The following RLIM variants were observed in gnomAD, a reference collection of about 807,000 sequenced individuals.
RLIM encodes the protein E3 ubiquitin-protein ligase RLIM.
RLIM carries 2 observed loss-of-function variants against 34.0 expected under a neutral mutation model. The observed-to-expected ratio is 0.06, with a 90% CI of 0.02 to 0.19. RLIM has a LOEUF of 0.19. Ranked by LOEUF, RLIM falls within the 10% of genes least tolerant of loss-of-function variation. The pLI is 1.00. For missense variants in RLIM, 286 were observed against 479.7 expected, an observed-to-expected ratio of 0.60 and a Z score of 3.77; for synonymous variants, 169 against 164.0, an observed-to-expected ratio of 1.03 and a Z score of -0.23.
In RLIM at chrX:74,586,792, T is replaced by C. The variant is rs1042452176; in HGVS notation, c.*4648A>G. Reference sequence around the variant, plus strand: ...ATAGCTGTTTTAGTTGATTAAAAAATCTGATTTAAAAATAAGTAAGGCTGG... The same window carrying C: ...ATAGCTGTTTTAGTTGATTAAAAAACCTGATTTAAAAATAAGTAAGGCTGG... On this transcript the variant is annotated 3_prime_UTR_variant, in exon 4 of 4. Transcript: ENST00000332687. 2 of 112,963 alleles carry C rather than the reference T, an allele frequency of 1.8e-5. No homozygotes were observed. Among genetic ancestry groups the C allele is most frequent in the East Asian group, 5.5e-4 (2 of 3,611 alleles). 9.3% of individuals were successfully genotyped at this position (112,963 alleles called of 1,213,427 possible). A position where few individuals can be genotyped will look rare whatever the true frequency, so the allele number is the denominator to read the frequency against.
rs1016990715 is a variant in RLIM, at chrX:74,592,535, C to T, written c.780G>A (p.Glu260=). The part of the protein sequence containing the change: ...TFEHPLVNET[E]GSSRTRHHVT... ...CATGGTGCCGGGTTCTAGAACTTCCCTCCGTCTCATTTACCAAAGGATGTT... is the reference window on the plus strand; with the variant it reads ...CATGGTGCCGGGTTCTAGAACTTCCTTCCGTCTCATTTACCAAAGGATGTT... The change falls in exon 4 of 4, where the codon GAG becomes GAA. Residue 260 remains glutamate, a synonymous_variant. Transcript: ENST00000332687. 1.7e-6 allele frequency: 2 copies of T among 1,210,145 alleles called. No individual in the cohort carries two copies. The highest frequency in any genetic ancestry group is 1.7e-5 in the African/African-American group (1 of 57,226).
chrX:74,605,894 A>C (rs1256028465), intron 1 of RLIM, among the ~76,000 whole-genome samples: 1 of 111,880 alleles, frequency 8.9e-6, no homozygotes, highest in Non-Finnish European at 1.9e-5. Context: ...ATTTACCAAA[A>C]ACCATGTGAC....
chrX:74,603,803 A>G (rs1419688382), intron 1 of RLIM, among the ~76,000 whole-genome samples: 1 of 111,766 alleles, frequency 8.9e-6, no homozygotes, highest in Non-Finnish European at 1.9e-5. Context: ...TTGACTCAAC[A>G]TAATCAAAAA....
rs868820973 is a variant in RLIM at position 74,583,247 on chromosome X, C to T, written c.*8193G>A. 0.014 allele frequency: 9,928 copies of T among 722,488 alleles called. No homozygotes were observed. Among genetic ancestry groups the T allele is most frequent in the African/African-American group, 0.087 (3,063 of 35,285 alleles). 59.5% of individuals were successfully genotyped at this position (722,488 alleles called of 1,213,427 possible). On this transcript the variant is annotated 3_prime_UTR_variant, in exon 4 of 4. Transcript: ENST00000332687. Reference sequence around the variant, plus strand: ...GTTCTGAATTATCAATCTCCAACAACACGCCAGTGATTTTACCGGCAAGAG... The same window carrying T: ...GTTCTGAATTATCAATCTCCAACAATACGCCAGTGATTTTACCGGCAAGAG...
In RLIM at chrX:74,595,943, C is replaced by A; in HGVS notation, c.35G>T (p.Gly12Val). Residue 12 changes from glycine (G) to valine (V), a missense_variant, in exon 2 of 4, where the codon GGT (glycine) becomes GTT (valine). Gly to Val is a moderately radical substitution (Grantham distance 109). Around this residue, in one of 6 missense-constraint regions of RLIM, gnomAD observed 62 missense variants for 71.3 expected, o/e 0.87. Transcript: ENST00000332687. The part of the protein sequence containing the change: ...ENSDSNDKGS[G>V]DQSAAQRRSQ... Reference sequence around the variant, plus strand: ...TCTGCGCTGTGCTGCAGACTGATCACCACTTCCTTTGTCATTGGAATCTGA... The same window carrying A: ...TCTGCGCTGTGCTGCAGACTGATCAACACTTCCTTTGTCATTGGAATCTGA... 2.5e-6 allele frequency: 3 copies of A among 1,194,515 alleles called. No individual in the cohort carries two copies. Among genetic ancestry groups the A allele is most frequent in the Non-Finnish European group, 3.4e-6 (3 of 888,191 alleles).
chrX:74,600,859 A>AG (rs2079658413), intron 1 of RLIM, among the ~76,000 whole-genome samples: 1 of 107,088 alleles, frequency 9.3e-6, no homozygotes, highest in African/African-American at 3.4e-5. Flanking sequence ...TTAAAAAAAA[A>AG]AAAAAAAAAA....
rs1931297406 is a variant in RLIM, at chrX:74,584,492, T to C, written c.*6948A>G. Among the ~76,000 whole-genome samples the C allele has an allele frequency of 8.9e-6, 1 of 112,409 alleles. No homozygotes were observed. The highest frequency in any genetic ancestry group is 3.7e-4 in the South Asian group (1 of 2,721). On this transcript the variant is annotated 3_prime_UTR_variant, in exon 4 of 4. Coordinates refer to ENST00000332687, the MANE Select transcript of RLIM (RefSeq NM_016120.4). ...CTAAATTCAAAGACCTCAAAGAAAC[T>C]GGACCCTTGCTTTCTTATTTTTTAA...
chrX:74,597,077 A>C (rs1159241835), intron 1 of RLIM, among the ~76,000 whole-genome samples: 3 of 112,316 alleles, frequency 2.7e-5, no homozygotes, highest in African/African-American at 9.7e-5. Flanking sequence ...AAAGTTAGAA[A>C]ATTTAAAGTG....
Position 74,589,056 on chromosome X carries a change from C to A in RLIM, c.*2384G>T, listed in dbSNP as rs1451242349. 8.9e-6 allele frequency: 1 copy of A among 111,875 alleles called. No individual in the cohort carries two copies. Among genetic ancestry groups the A allele is most frequent in the African/African-American group, 3.2e-5 (1 of 30,795 alleles). The allele number at this position is 111,875 out of a possible 1,213,427, so 9.2% of individuals were successfully genotyped here. A position where few individuals can be genotyped will look rare whatever the true frequency, so the allele number is the denominator to read the frequency against. On this transcript the variant is annotated 3_prime_UTR_variant, in exon 4 of 4. Transcript: ENST00000332687. ...GGCTAAAAGCTTAAAATTCTATTTC[C>A]AGTGTTTATGAATAGCTTCAATATC...
At chrX:74,610,901 A>T (rs1334783728) in intron 1 of RLIM, among the ~76,000 whole-genome samples, 3 of 111,376 alleles carry the variant, frequency 2.7e-5, no homozygotes, top group Admixed American at 9.6e-5. Context: ...AAAAAATAAA[A>T]AAATAAAAAA....
In RLIM at chrX:74,592,708, G is replaced by C; in HGVS notation, c.607C>G (p.Pro203Ala). The stretch of plus-strand genomic sequence containing the variant: ...GCCCTCCTCTGACCTCTGGTAGGTG[G>C]GACCTCTGTTAACGCTTCAGTTGAA... ...RNSTEALTEV[P>A]PTRGQRRARS... Residue 203 changes from proline to alanine, a missense_variant, in exon 4 of 4, where the codon CCA (proline) becomes GCA (alanine). Physicochemically the swap from Pro to Ala is conservative, Grantham distance 27. This residue lies in a region of RLIM where 121 missense variants were observed against 182.4 expected (regional missense o/e 0.66). Transcript: ENST00000332687. 1.7e-6 allele frequency: 2 copies of C among 1,211,635 alleles called. No homozygotes were observed. The highest frequency in any genetic ancestry group is 2.2e-6 in the Non-Finnish European group (2 of 895,472).
chrX:74,604,447 T>C (rs776176106), intron 1 of RLIM, among the ~76,000 whole-genome samples: 6 of 111,546 alleles, frequency 5.4e-5, no homozygotes, highest in South Asian at 7.4e-4. Context: ...CTTTGTAAGA[T>C]AGAGAAATCC....
rs1451561264 is a variant in RLIM at position 74,591,524 on chromosome X, G to A, written c.1791C>T (p.Ile597=). ...PCSHEYHVHC[I]DRWLSENSTC... ...TAGAATTCTCAGATAACCAGCGATC[G>A]ATGCAGTGGACATGGTACTCATGGG... Residue 597 remains isoleucine, a synonymous_variant, in exon 4 of 4, where the codon ATC becomes ATT. Coordinates refer to ENST00000332687, the MANE Select transcript of RLIM (RefSeq NM_016120.4). The A allele has an allele frequency of 7.4e-6, 9 of 1,210,682 alleles. No homozygotes were observed. Among genetic ancestry groups the A allele is most frequent in the East Asian group, 5.9e-5 (2 of 33,838 alleles).
chrX:74,589,907 T>C lies in RLIM; in HGVS notation c.*1533A>G, dbSNP rs936713996. 14 of 112,380 alleles carry C rather than the reference T, an allele frequency of 1.2e-4. No individual in the cohort carries two copies. The highest frequency in any genetic ancestry group is 1.9e-4 in the Admixed American group (2 of 10,547). 9.3% of individuals were successfully genotyped at this position (112,380 alleles called of 1,213,427 possible). A position where few individuals can be genotyped will look rare whatever the true frequency, so the allele number is the denominator to read the frequency against. ...GAAACCAACATAAAGTGCATGTCCA[T>C]AGATAGCGAGTCAGCAGTCTCATTT... is the stretch of plus-strand genomic sequence containing the variant. On this transcript the variant is annotated 3_prime_UTR_variant, in exon 4 of 4. Coordinates refer to ENST00000332687, the MANE Select transcript of RLIM (RefSeq NM_016120.4).
rs1452620397 is a variant in RLIM, at chrX:74,585,479, C to A, written c.*5961G>T. On this transcript the variant is annotated 3_prime_UTR_variant, in exon 4 of 4. Coordinates refer to ENST00000332687, the MANE Select transcript of RLIM (RefSeq NM_016120.4). ...AAAGAAAAACCCAAGGAGAGATGAT[C>A]AAGCACAAATGATCACTTCATGCAT... is the stretch of plus-strand genomic sequence containing the variant. 2 of 111,629 alleles carry A rather than the reference C, an allele frequency of 1.8e-5. No individual in the cohort carries two copies. The highest frequency in any genetic ancestry group is 9.6e-5 in the Admixed American group (1 of 10,451). 9.2% of individuals were successfully genotyped at this position (111,629 alleles called of 1,213,427 possible). A position where few individuals can be genotyped will look rare whatever the true frequency, so the allele number is the denominator to read the frequency against.
intron 1 of RLIM, among the ~76,000 whole-genome samples, chrX:74,612,202 G>A (rs181883461): frequency 7.2e-5 from 8 of 111,861 alleles, no homozygotes; most frequent in East Asian, 2.8e-4. Context: ...TTATACTCTC[G>A]TAAGCTATTC....
rs1362623302 is a variant in RLIM at position 74,595,790 on chromosome X, T to G, written c.169+19A>C. On this transcript the variant is annotated intron_variant, in intron 2 of 3. Coordinates refer to ENST00000332687, the MANE Select transcript of RLIM (RefSeq NM_016120.4). ...CCAGCAACTTACACTTATAAATCCT[T>G]AAATATATGTAAGCATACCTGGGGT... 8.7e-7 allele frequency: 1 copy of G among 1,147,528 alleles called. No homozygotes were observed. Among genetic ancestry groups the G allele is most frequent in the African/African-American group, 1.8e-5 (1 of 55,484 alleles). The allele number at this position is 1,147,528 out of a possible 1,213,427, so 94.6% of individuals were successfully genotyped here. A position where few individuals can be genotyped will look rare whatever the true frequency, so the allele number is the denominator to read the frequency against.
chrX:74,602,243 G>C (rs1324083842), intron 1 of RLIM, among the ~76,000 whole-genome samples: 2 of 111,756 alleles, frequency 1.8e-5, no homozygotes, highest in African/African-American at 6.5e-5. Flanking sequence ...ATAACCCATA[G>C]TAAAAGTACA....
chrX:74,585,237 G>C lies in RLIM; in HGVS notation c.*6203C>G, dbSNP rs1159553971. On this transcript the variant is annotated 3_prime_UTR_variant, in exon 4 of 4. Transcript: ENST00000332687. ...AAATCTTTCCAGGATTCTTGTATTG[G>C]AATATAATCTTTTATTTTACCACTC... The C allele has an allele frequency of 8.9e-6, 1 of 111,993 alleles. No homozygotes were observed. The highest frequency in any genetic ancestry group is 1.9e-5 in the Non-Finnish European group (1 of 53,207). The allele number at this position is 111,993 out of a possible 1,213,427, so 9.2% of individuals were successfully genotyped here.
Sources: allele counts gnomAD v4.1 joint callset (sites outside exome capture counted in the v4.1 genomes callset), GRCh38; gene constraint gnomAD v4.1.1; regional missense constraint gnomAD v4.1.1; transcripts MANE v1.5; gene names NCBI Gene and HGNC (gene_info 2026-07-23, HGNC 2026-07-21).